The following PCDHGA5 variants were observed in gnomAD, a reference collection of about 807,000 sequenced individuals.
PCDHGA5 encodes protocadherin gamma-A5.
In PCDHGA5, 36 loss-of-function variants were observed where a neutral mutation model predicts 56.7. The observed-to-expected ratio is 0.64, with a 90% CI of 0.49 to 0.84. The LOEUF (loss-of-function observed/expected upper bound fraction) is 0.84. Among genes scored for constraint, PCDHGA5 ranks in the 40% least tolerant of loss-of-function variants. The pLI, the probability that PCDHGA5 is intolerant of heterozygous loss-of-function variation, is 0.00. For synonymous variants in PCDHGA5, 563 were observed against 520.2 expected (o/e 1.08, Z -1.12); for missense variants, 1,305 against 1,201.5 (o/e 1.09, Z -1.27).
intron 1 of PCDHGA5, chr5:141,388,264 A>G (rs1054125491): frequency 1.3e-6 from 2 of 1,598,302 alleles, no homozygotes; most frequent in African/African-American, 2.9e-5. Context: ...GAGGACATTA[A>G]TGACCACACG....
chr5:141,455,476 G>C (rs2098823789), intron 1 of PCDHGA5, among the ~76,000 whole-genome samples: 1 of 152,218 alleles, frequency 6.6e-6, no homozygotes. Flanking sequence ...ATATGCAGAG[G>C]CTGGTGGAGG....
At chr5:141,373,534 T>C (rs1191585178) in intron 1 of PCDHGA5, among the ~76,000 whole-genome samples, 1 of 152,172 alleles carries the variant, frequency 6.6e-6, no homozygotes, top group East Asian at 1.9e-4. Flanking sequence ...AAAAAAGTGT[T>C]TGTGGTTGTT....
At chr5:141,449,958 A>AT (rs962794399) in intron 1 of PCDHGA5, among the ~76,000 whole-genome samples, 8 of 148,830 alleles carry the variant, frequency 5.4e-5, no homozygotes, top group African/African-American at 2.0e-4. Context: ...CCTCATAGTA[A>AT]TTTTTTTTAG....
Position 141,387,890 on chromosome 5 carries a change from G to A in PCDHGA5, c.2421+21139G>A, listed in dbSNP as rs541321171. On this transcript the variant is annotated intron_variant, in intron 1 of 3. Coordinates refer to ENST00000518069, the MANE Select transcript of PCDHGA5 (RefSeq NM_018918.3). ...AGCTGAGGAGAGCAAGAGGGATGGG[G>A]AGCGGCGCCGGGGAGCTGGGCCGGG... The A allele has an allele frequency of 1.9e-6, 3 of 1,554,976 alleles. No homozygotes were observed. The South Asian group carries it at 3.7e-5, about 19-fold the overall frequency.
chr5:141,475,721 G>C (rs867365261), intron 1 of PCDHGA5, among the ~76,000 whole-genome samples: 5 of 152,248 alleles, frequency 3.3e-5, no homozygotes, highest in Non-Finnish European at 7.3e-5. Context: ...ACAGCCCCAA[G>C]GCTGGCTTTC....
chr5:141,459,232 G>C (rs1293027771), intron 1 of PCDHGA5, among the ~76,000 whole-genome samples: 1 of 152,152 alleles, frequency 6.6e-6, no homozygotes, highest in Non-Finnish European at 1.5e-5. Context: ...GCAACAACTG[G>C]TCTGCTTCCT....
intron 1 of PCDHGA5, chr5:141,389,267 G>A: frequency 6.2e-7 from 1 of 1,614,008 alleles, no homozygotes; most frequent in African/African-American, 1.3e-5. Flanking sequence ...ACGTGGCCGA[G>A]AACAACCCGC....
At chr5:141,508,570 C>T (rs1164806696) in intron 3 of PCDHGA5, among the ~76,000 whole-genome samples, 21 of 152,198 alleles carry the variant, frequency 1.4e-4, no homozygotes. Context: ...GTCACTTGCA[C>T]CCACTCGGGG....
chr5:141,403,308 T>C (rs1245270186), intron 1 of PCDHGA5: 2 of 1,613,866 alleles, frequency 1.2e-6, no homozygotes, highest in Admixed American at 1.7e-5. Flanking sequence ...CTGTACGGAA[T>C]AGAAATAGAA....
intron 1 of PCDHGA5, chr5:141,441,868 C>A: frequency 3.0e-6 from 1 of 338,212 alleles, no homozygotes; most frequent in Non-Finnish European, 5.8e-6. Flanking sequence ...CGCCGCGGAG[C>A]CTGGCTACCT....
At chr5:141,368,210 C>A (rs1293678228) in intron 1 of PCDHGA5, among the ~76,000 whole-genome samples, 5 of 152,078 alleles carry the variant, frequency 3.3e-5, no homozygotes, top group Admixed American at 6.5e-5. Flanking sequence ...TAAAATATTA[C>A]AAATGGGATA....
chr5:141,394,529 C>T, intron 1 of PCDHGA5: 2 of 1,614,216 alleles, frequency 1.2e-6, no homozygotes, highest in Non-Finnish European at 8.5e-7. Flanking sequence ...CAGACGGTTC[C>T]ACTGGCGTGG....
Position 141,390,222 on chromosome 5 carries a change from G to A in PCDHGA5, c.2421+23471G>A, listed in dbSNP as rs758225583. The A allele has an allele frequency of 1.1e-5, 18 of 1,613,904 alleles. 1 individual carries two copies. In the Middle Eastern group the frequency reaches 9.9e-4, roughly 88 times the overall value. ...GAGTTCAGGACAAGACATACTTTGC[G>A]GTGATTCATCTGGGGCCTTATTTCC... On this transcript the variant is annotated intron_variant, in intron 1 of 3. Transcript: ENST00000518069.
rs1214164512 is a variant in PCDHGA5 at position 141,366,098 on chromosome 5, A to G, written c.1768A>G (p.Lys590Glu). ...CGCAGAACCTGGCTACCTGGTGACC[A>G]AGGTGGTAGCGGTGGACAAAGATTC... ...RSAEPGYLVT[K>E]VVAVDKDSGQ... Residue 590 changes from lysine to glutamate, a missense_variant, in exon 1 of 4, where the codon AAG becomes GAG. Coordinates refer to ENST00000518069, the MANE Select transcript of PCDHGA5 (RefSeq NM_018918.3). The G allele has an allele frequency of 1.9e-6, 3 of 1,614,214 alleles. No homozygotes were observed. In the Admixed American group the frequency reaches 5.0e-5, roughly 27 times the overall value.
chr5:141,455,492 T>G (rs958076901), intron 1 of PCDHGA5, among the ~76,000 whole-genome samples: 10 of 152,188 alleles, frequency 6.6e-5, no homozygotes, highest in Non-Finnish European at 1.2e-4. Context: ...GGAGGTGATG[T>G]CTGATTTGCA....
chr5:141,398,783 A>G (rs1300541880), intron 1 of PCDHGA5: 4 of 1,613,944 alleles, frequency 2.5e-6, no homozygotes, highest in Non-Finnish European at 3.4e-6. Flanking sequence ...GACGGTGGAC[A>G]TCCACCCCTA....
rs2099405848 is a variant in PCDHGA5 at position 141,477,120 on chromosome 5, A to G, written c.2422-17687A>G. 2 of 1,614,118 alleles carry G rather than the reference A, an allele frequency of 1.2e-6. No homozygotes were observed. Among genetic ancestry groups the G allele is most frequent in the African/African-American group, 2.7e-5 (2 of 74,942 alleles). On this transcript the variant is annotated intron_variant, in intron 1 of 3. Transcript: ENST00000518069. This position sits in a 1 kb window ranked among gnomAD's most constrained non-coding sequence, Gnocchi z 4.9. ...AAGGGCGCCAATCCCGAAGGAGCAC[A>G]TTGCAAAGTGTTGGTGGAGGTTGTG...
intron 1 of PCDHGA5, chr5:141,399,349 C>T (rs1467940246): frequency 6.2e-7 from 1 of 1,613,932 alleles, no homozygotes; most frequent in East Asian, 2.2e-5. Context: ...AACCCTAGAC[C>T]GAGAGCAAAC....
intron 1 of PCDHGA5, chr5:141,411,158 A>T (rs1384845652): frequency 6.6e-6 from 1 of 152,212 alleles, no homozygotes; most frequent in Admixed American, 6.5e-5. Context: ...TCAAGTTCTG[A>T]CTATCGAACA....
Sources: gnomAD v4.1 joint callset for allele counts (sites outside exome capture counted in the v4.1 genomes callset) on GRCh38, gnomAD v4.1.1 for gene constraint, Gnocchi (gnomAD v3.1) non-coding constraint, MANE v1.5 for transcripts, NCBI Gene and HGNC (gene_info 2026-07-23, HGNC 2026-07-21) for gene names.